ENAH: variants seen among roughly 807,000 people sequenced by gnomAD.
ENAH encodes protein enabled homolog.
ENAH carries 23 observed loss-of-function variants against 78.7 expected under a neutral mutation model. The observed-to-expected ratio is 0.29, with a 90% CI of 0.21 to 0.41. ENAH has a LOEUF of 0.41. Among genes scored for constraint, ENAH ranks in the 10% least tolerant of loss-of-function variants. The pLI is 1.00. For missense variants in ENAH, 544 were observed against 691.0 expected (o/e 0.79, Z 2.39); for synonymous variants, 226 against 241.0 (o/e 0.94, Z 0.58).
At chr1:225,559,938 G>A (rs1039226535) in intron 2 of ENAH, among the ~76,000 whole-genome samples, 10 of 152,268 alleles carry the variant, frequency 6.6e-5, no homozygotes, top group Middle Eastern at 3.4e-3. Flanking sequence ...CTCAAACCAT[G>A]GGAAGCATTG....
intron 3 of ENAH, among the ~76,000 whole-genome samples, chr1:225,540,442 A>G (rs570233384): frequency 1.3e-5 from 2 of 152,122 alleles, no homozygotes; most frequent in Non-Finnish European, 1.5e-5. Flanking sequence ...TTTATAGGAG[A>G]AAAAAAGAAT....
rs757071662 is a variant in ENAH at position 225,555,106 on chromosome 1, A to G, written c.172-23T>C. 4 of 1,497,294 alleles carry G rather than the reference A, an allele frequency of 2.7e-6. No individual in the cohort carries two copies. In the African/African-American group the frequency reaches 4.1e-5, roughly 15 times the overall value. The allele number at this position is 1,497,294 out of a possible 1,614,324, so 92.8% of individuals were successfully genotyped here. A position where few individuals can be genotyped will look rare whatever the true frequency, so the allele number is the denominator to read the frequency against. Reference sequence around the variant, plus strand: ...GACCTAAAAAATAATAATTCTTTATAAAGTCAAACCAATAATTGGCAAAAT... The same window carrying G: ...GACCTAAAAAATAATAATTCTTTATGAAGTCAAACCAATAATTGGCAAAAT... On this transcript the variant is annotated intron_variant, in intron 2 of 13. Transcript: ENST00000366843.
In ENAH at chr1:225,515,587, G is replaced by C. The variant is rs539351479; in HGVS notation, c.914-687C>G. Among the ~76,000 whole-genome samples, 159 of 152,278 alleles carry C rather than the reference G, an allele frequency of 1.0e-3. 1 individual carries two copies. Among genetic ancestry groups the C allele is most frequent in the South Asian group, 3.3e-3 (16 of 4,824 alleles). ...TATCCCACAAAATGGGGGGCAAGAA[G>C]AGAAATGTTCAAATGTTATAAAATC... On this transcript the variant is annotated intron_variant, in intron 6 of 13. Transcript: ENST00000366843.
chr1:225,563,062 CATTAT>C (rs1037192622), intron 2 of ENAH, among the ~76,000 whole-genome samples: 78 of 151,744 alleles, frequency 5.1e-4, no homozygotes, highest in African/African-American at 1.9e-3. Flanking sequence ...CCTTAAGTAT[CATTAT>C]ATTAATAAAA....
At chr1:225,560,827 G>A (rs995062916) in intron 2 of ENAH, among the ~76,000 whole-genome samples, 1 of 152,210 alleles carries the variant, frequency 6.6e-6, no homozygotes, top group Non-Finnish European at 1.5e-5. Context: ...CAAGAGAAAA[G>A]ATGTGTTACA....
chr1:225,554,286 C>T (rs1269856188), intron 3 of ENAH, among the ~76,000 whole-genome samples: 1 of 152,124 alleles, frequency 6.6e-6, no homozygotes, highest in Non-Finnish European at 1.5e-5. Context: ...CAAGACAAAA[C>T]TGAGCTTATC....
At chr1:225,646,654 T>TG in intron 1 of ENAH, among the ~76,000 whole-genome samples, 1 of 151,720 alleles carries the variant, frequency 6.6e-6, no homozygotes, top group South Asian at 2.1e-4. Context: ...CCAGGCGTGG[T>TG]GGCAGGCGCC....
intron 1 of ENAH, among the ~76,000 whole-genome samples, chr1:225,594,628 T>C (rs1025279133): frequency 6.6e-6 from 1 of 152,224 alleles, no homozygotes; most frequent in Admixed American, 6.5e-5. Flanking sequence ...GCATCACCTC[T>C]ATCTACAATA....
chr1:225,598,720 A>G (rs1044803931), intron 1 of ENAH, among the ~76,000 whole-genome samples: 1 of 152,186 alleles, frequency 6.6e-6, no homozygotes, highest in African/African-American at 2.4e-5. Context: ...GTAAAAGACA[A>G]AGGAAAGCTG....
rs533587164 is a variant in ENAH at position 225,605,885 on chromosome 1, A to T, written c.6-38471T>A. ...GCTTCAGAAGGAACCAACCCTGCCA[A>T]CACCTTGACCTTCTAGCCTTCAGAA... On this transcript the variant is annotated intron_variant, in intron 1 of 13. Coordinates refer to ENST00000366843, the MANE Select transcript of ENAH (RefSeq NM_018212.6). Among the ~76,000 whole-genome samples, 25 of 152,270 alleles carry T rather than the reference A, an allele frequency of 1.6e-4. No individual in the cohort carries two copies. In the South Asian group the frequency reaches 4.8e-3, roughly 29 times the overall value.
intron 1 of ENAH, among the ~76,000 whole-genome samples, chr1:225,570,963 CA>C (rs1328522191): frequency 6.6e-6 from 1 of 151,916 alleles, no homozygotes; most frequent in Non-Finnish European, 1.5e-5. Context: ...AACTCCGTCT[CA>C]AAAAGAATAT....
In ENAH at chr1:225,497,783, T is replaced by C. The variant is rs1432116065; in HGVS notation, c.1705A>G (p.Thr569Ala). The C allele has an allele frequency of 1.2e-5, 20 of 1,612,418 alleles. No individual in the cohort carries two copies. The highest frequency in any genetic ancestry group is 1.7e-5 in the Non-Finnish European group (20 of 1,179,226). ...AIRQELSKSN[T>A]A Reference sequence around the variant, plus strand: ...CTCCTTAGTCTGTTCCTCTATGCAGTATTTGACTTGCTCAGTTCCTGCCTG... The same window carrying C: ...CTCCTTAGTCTGTTCCTCTATGCAGCATTTGACTTGCTCAGTTCCTGCCTG... The change falls in exon 14 of 14, where the codon ACT (threonine) becomes GCT (alanine). Residue 569 changes from threonine to alanine, a missense_variant. By Grantham distance (58) the Thr-to-Ala change is moderately conservative (BLOSUM62 0). Transcript: ENST00000366843.
intron 3 of ENAH, among the ~76,000 whole-genome samples, chr1:225,542,687 T>A (rs905746242): frequency 1.3e-5 from 2 of 152,142 alleles, no homozygotes; most frequent in African/African-American, 4.8e-5. Context: ...TACATAAAAA[T>A]TAAATAAACT....
chr1:225,613,616 A>G (rs1161804271), intron 1 of ENAH, among the ~76,000 whole-genome samples: 6 of 152,200 alleles, frequency 3.9e-5, no homozygotes, highest in Admixed American at 3.9e-4. Context: ...ACTTTGCTAG[A>G]TATTTTCTGA....
chr1:225,651,679 G>A (rs947466073), intron 1 of ENAH, among the ~76,000 whole-genome samples: 1 of 152,136 alleles, frequency 6.6e-6, no homozygotes, highest in African/African-American at 2.4e-5. Flanking sequence ...CTTTAAGGAT[G>A]ATAACGCAGA....
intron 1 of ENAH, among the ~76,000 whole-genome samples, chr1:225,639,351 G>A (rs778796335): frequency 6.6e-6 from 1 of 152,150 alleles, no homozygotes; most frequent in Non-Finnish European, 1.5e-5. Context: ...TACCTTAAGA[G>A]AGCTGCTATG....
chr1:225,542,881 T>C (rs1278740761), intron 3 of ENAH, among the ~76,000 whole-genome samples: 1 of 152,030 alleles, frequency 6.6e-6, no homozygotes, highest in African/African-American at 2.4e-5. Context: ...GAGCTGGGTG[T>C]GGTGGCATGC....
chr1:225,508,924 A>G (rs1243337727), intron 10 of ENAH, among the ~76,000 whole-genome samples: 1 of 152,180 alleles, frequency 6.6e-6, no homozygotes, highest in East Asian at 1.9e-4. Flanking sequence ...CCGTCTCTTC[A>G]AAGTACACTT....
At chr1:225,595,670 TG>T (rs761611058) in intron 1 of ENAH, among the ~76,000 whole-genome samples, 9 of 152,242 alleles carry the variant, frequency 5.9e-5, no homozygotes, top group Non-Finnish European at 1.2e-4. Flanking sequence ...ATGATCCTAC[TG>T]CTCCAAGTAA....
Sources: gnomAD v4.1 joint callset for allele counts (sites outside exome capture counted in the v4.1 genomes callset) on GRCh38, gnomAD v4.1.1 for gene constraint, MANE v1.5 for transcripts, NCBI Gene and HGNC (gene_info 2026-07-23, HGNC 2026-07-21) for gene names.